MAGI3: variants seen among roughly 807,000 people sequenced by gnomAD.
MAGI3 encodes the protein membrane-associated guanylate kinase, WW and PDZ domain-containing protein 3.
A neutral mutation model predicts 121.8 loss-of-function variants in MAGI3; 43 were observed. The ratio of observed to expected loss-of-function variants is 0.35; its 90% CI spans 0.28 to 0.46. The LOEUF (loss-of-function observed/expected upper bound fraction) is 0.46. MAGI3 is among the 20% of genes least tolerant of loss of function. MAGI3 has a pLI of 1.00. For synonymous variants in MAGI3, 553 were observed against 639.3 expected (o/e 0.86, Z 2.04); for missense variants, 1,547 against 1,797.3 (o/e 0.86, Z 2.52).
chr1:113,624,265 G>A (rs1570957047), intron 9 of MAGI3, among the ~76,000 whole-genome samples: 1 of 152,222 alleles, frequency 6.6e-6, no homozygotes, highest in East Asian at 1.9e-4. Flanking sequence ...TATTTTTAGT[G>A]TTTTGAGAAT....
chr1:113,584,445 G>A (rs1347951734), intron 3 of MAGI3, among the ~76,000 whole-genome samples: 5 of 152,136 alleles, frequency 3.3e-5, no homozygotes, highest in Admixed American at 3.3e-4. Flanking sequence ...TTTCCTGAGA[G>A]TAAGCCAATA....
intron 18 of MAGI3, among the ~76,000 whole-genome samples, 183 bp from the exon 19 acceptor site, chr1:113,673,135 GATTA>G (rs979810909): frequency 1.3e-5 from 2 of 152,198 alleles, no homozygotes; most frequent in African/African-American, 4.8e-5. Context: ...GTAACCTTCA[GATTA>G]ATTTAGGCTG....
At chr1:113,671,375 T>C (rs1217897814) in intron 16 of MAGI3, among the ~76,000 whole-genome samples, 3 of 152,156 alleles carry the variant, frequency 2.0e-5, no homozygotes, top group Admixed American at 1.3e-4. Flanking sequence ...TACCAATTAT[T>C]AGGTGTGTGC....
At chr1:113,508,989 G>C (rs947365325) in intron 1 of MAGI3, among the ~76,000 whole-genome samples, 5 of 151,946 alleles carry the variant, frequency 3.3e-5, no homozygotes, top group Non-Finnish European at 7.4e-5. Context: ...AGTAAATGGT[G>C]GTATTATTTA....
At chr1:113,488,136 C>T (rs566865860) in intron 1 of MAGI3, among the ~76,000 whole-genome samples, 62 of 152,154 alleles carry the variant, frequency 4.1e-4, no homozygotes, top group African/African-American at 1.2e-3. Flanking sequence ...AAATTATTTA[C>T]GCTTTTCATT....
chr1:113,577,423 G>T (rs1647722559), intron 2 of MAGI3, among the ~76,000 whole-genome samples: 2 of 152,186 alleles, frequency 1.3e-5, no homozygotes, highest in South Asian at 4.1e-4. Flanking sequence ...TGGCTCCAAA[G>T]AACTCTTCGG....
intron 1 of MAGI3, among the ~76,000 whole-genome samples, chr1:113,484,531 A>G (rs1302979510): frequency 1.3e-5 from 2 of 152,186 alleles, no homozygotes; most frequent in African/African-American, 4.8e-5. Context: ...TACTTCACTT[A>G]GAATAATAGT....
chr1:113,590,394 T>C (rs1355455855), intron 4 of MAGI3, 90 bp from the exon 5 acceptor site: 5 of 1,238,334 alleles, frequency 4.0e-6, no homozygotes, highest in Non-Finnish European at 5.5e-6. Flanking sequence ...TATTTATGTA[T>C]TTGGAATTTT....
chr1:113,542,833 C>A (rs1002852467), intron 1 of MAGI3, among the ~76,000 whole-genome samples: 1 of 152,202 alleles, frequency 6.6e-6, no homozygotes, highest in African/African-American at 2.4e-5. Context: ...TCTAGGACAG[C>A]GCTTACAATG....
intron 1 of MAGI3, among the ~76,000 whole-genome samples, chr1:113,481,123 G>A (rs1656092932): frequency 6.6e-6 from 1 of 152,066 alleles, no homozygotes. Context: ...TTAAAGGCTT[G>A]CTTGCTTTTT....
intron 5 of MAGI3, among the ~76,000 whole-genome samples, chr1:113,591,835 A>G (rs1394038259): frequency 3.3e-5 from 5 of 152,208 alleles, no homozygotes; most frequent in African/African-American, 1.2e-4. Context: ...ATTATGAGAC[A>G]TTTAATCTGA....
chr1:113,444,572 TA>T (rs1352757260), intron 1 of MAGI3, among the ~76,000 whole-genome samples: 2 of 151,998 alleles, frequency 1.3e-5, no homozygotes, highest in African/African-American at 4.8e-5. Context: ...ACAAAGACAA[TA>T]CCAATCAAGA....
In MAGI3 at chr1:113,578,955, T is replaced by A. The variant is rs574963405; in HGVS notation, c.434-1587T>A. Among the ~76,000 whole-genome samples the A allele has an allele frequency of 2.3e-3, 141 of 61,646 alleles. 2 individuals are homozygous for A. In the South Asian group the frequency reaches 0.024, roughly 10 times the overall value. 40.4% of individuals were successfully genotyped at this position (61,646 alleles called of 152,430 possible). On this transcript the variant is annotated intron_variant, in intron 2 of 20. Coordinates refer to ENST00000307546, the MANE Select transcript of MAGI3 (RefSeq NM_001142782.2). Reference sequence around the variant, plus strand: ...TATTACCATTAATTTGTTATCATAATCTTTGTTTTTTTTTGTGCATGTTAC... The same window carrying A: ...TATTACCATTAATTTGTTATCATAAACTTTGTTTTTTTTTGTGCATGTTAC...
intron 15 of MAGI3, among the ~76,000 whole-genome samples, chr1:113,654,310 G>A (rs78603338): frequency 1.3e-5 from 2 of 152,108 alleles, no homozygotes; most frequent in Non-Finnish European, 2.9e-5. Context: ...TTTAATGAAA[G>A]GTATAATGCT....
chr1:113,653,267 C>A lies in MAGI3; in HGVS notation c.2441-563C>A, dbSNP rs376648864. On this transcript the variant is annotated intron_variant, in intron 14 of 20. Coordinates refer to ENST00000307546, the MANE Select transcript of MAGI3 (RefSeq NM_001142782.2). ...AAAATTATTGGTCCATGTTATAAAA[C>A]TTGATGGAACTAAAACAGTTTTAGG... 1.1e-4 allele frequency among the ~76,000 whole-genome samples: 17 copies of A among 152,252 alleles called. No individual in the cohort carries two copies. In the South Asian group the frequency reaches 3.3e-3, roughly 30 times the overall value.
chr1:113,480,721 A>G (rs1355067840), intron 1 of MAGI3, among the ~76,000 whole-genome samples: 4 of 152,060 alleles, frequency 2.6e-5, no homozygotes, highest in Non-Finnish European at 5.9e-5. Context: ...GAGGTGCTAT[A>G]CTTTCTCACC....
At chr1:113,489,506 C>T (rs1317391279) in intron 1 of MAGI3, among the ~76,000 whole-genome samples, 1 of 152,146 alleles carries the variant, frequency 6.6e-6, no homozygotes, top group African/African-American at 2.4e-5. Context: ...CAAATGGTCA[C>T]ATCTCCGTTC....
In MAGI3 at chr1:113,527,381, A is replaced by G. The variant is rs185646353; in HGVS notation, c.317-22134A>G. ...AGTTGAGGATATCAGTTTGAAAATT[A>G]CTAGAATATAGGTGATAATTAAGCT... is the stretch of plus-strand genomic sequence containing the variant. On this transcript the variant is annotated intron_variant, in intron 1 of 20. Transcript: ENST00000307546. Among the ~76,000 whole-genome samples the G allele has an allele frequency of 2.9e-3, 435 of 152,330 alleles. 1 individual carries two copies. The highest frequency in any genetic ancestry group is 4.6e-3 in the Non-Finnish European group (315 of 68,022).
chr1:113,637,743 A>AT (rs1652137502), intron 9 of MAGI3, among the ~76,000 whole-genome samples: 6 of 152,036 alleles, frequency 3.9e-5, no homozygotes, highest in African/African-American at 1.4e-4. Flanking sequence ...TCTTTGTGGC[A>AT]TTCTCTGTAT....
Sources: gnomAD v4.1 joint callset for allele counts (sites outside exome capture counted in the v4.1 genomes callset) on GRCh38, gnomAD v4.1.1 for gene constraint, MANE v1.5 for transcripts, NCBI Gene and HGNC (gene_info 2026-07-23, HGNC 2026-07-21) for gene names.